The following CABLES1 variants were observed in gnomAD, a reference collection of about 807,000 sequenced individuals.
CABLES1 encodes the protein CDK5 and ABL1 enzyme substrate 1.
In CABLES1, 36 loss-of-function variants were observed where a neutral mutation model predicts 57.8. That is an observed-to-expected ratio of 0.62 (90% CI 0.48 to 0.82). CABLES1 has a LOEUF of 0.82. Among genes scored for constraint, CABLES1 ranks in the 40% least tolerant of loss-of-function variants. The probability of loss-of-function intolerance (pLI) is 0.00; values close to 1 mark genes in which losing one functional copy is unlikely to be tolerated. For missense variants in CABLES1, 767 were observed against 836.6 expected, an observed-to-expected ratio of 0.92 and a Z score of 1.03; for synonymous variants, 374 against 363.0, an observed-to-expected ratio of 1.03 and a Z score of -0.35.
intron 4 of CABLES1, among the ~76,000 whole-genome samples, chr18:23,224,561 CTTTTTT>C (rs777471596): frequency 2.2e-5 from 2 of 89,658 alleles, no homozygotes; most frequent in Admixed American, 1.5e-4. Flanking sequence ...AGTCACAGAG[CTTTTTT>C]TTTTTTTTTT....
At chr18:23,134,629 C>A (rs2046803967), upstream of CABLES1, 1 of 152,164 alleles carries the variant, frequency 6.6e-6, no homozygotes, top group South Asian at 2.1e-4. Context: ...GAGAAGAGAT[C>A]ATAATCTACA....
At chr18:23,194,634 G>T in intron 3 of CABLES1, 94 bp downstream of exon 3, 1 of 782,904 alleles carries the variant, frequency 1.3e-6, no homozygotes, top group Non-Finnish European at 2.2e-6. Flanking sequence ...CTCAGCAAAC[G>T]CAAGCCCACA....
At chr18:23,248,333 G>A (rs1297788594) in intron 7 of CABLES1, among the ~76,000 whole-genome samples, 12 of 152,198 alleles carry the variant, frequency 7.9e-5, no homozygotes, top group African/African-American at 2.2e-4. Flanking sequence ...AGAATACAGC[G>A]TGTGCAGCAG....
chr18:23,136,670 C>A, intron 1 of CABLES1, 63 bp downstream of exon 1: 2 of 1,114,960 alleles, frequency 1.8e-6, no homozygotes, highest in African/African-American at 1.6e-5. Flanking sequence ...CCAGCCTCCC[C>A]GCGGTCTCTG....
At chr18:23,234,578 A>ATTTTTTTTTTTT in intron 4 of CABLES1, 30 bp from the exon 5 acceptor site, 1 of 1,535,578 alleles carries the variant, frequency 6.5e-7, no homozygotes. Flanking sequence ...ACACAAAAGC[A>ATTTTTTTTTTTT]TTTTTTTTTC....
chr18:23,190,982 A>C (rs188795458), intron 2 of CABLES1, among the ~76,000 whole-genome samples: 1 of 150,384 alleles, frequency 6.6e-6, no homozygotes, highest in South Asian at 2.1e-4. Context: ...GGTGGCTCAC[A>C]CCTGTAACCC....
intron 7 of CABLES1, among the ~76,000 whole-genome samples, chr18:23,238,790 G>A (rs974010806): frequency 1.3e-5 from 2 of 152,208 alleles, no homozygotes; most frequent in African/African-American, 4.8e-5. Flanking sequence ...AGGAAATGGG[G>A]GATCCAGGCT....
chr18:23,219,244 C>G lies in CABLES1; in HGVS notation c.1088+5190C>G, dbSNP rs9958241. ...GGAGCCTACTCTCCGTGCCATCCCTCTGGTCCTCTGTCTGAGTAGGAGACG... is the reference window on the plus strand; with the variant it reads ...GGAGCCTACTCTCCGTGCCATCCCTGTGGTCCTCTGTCTGAGTAGGAGACG... On this transcript the variant is annotated intron_variant, in intron 4 of 9. Transcript: ENST00000256925. 2.1e-3 allele frequency: 976 copies of G among 454,144 alleles called. 9 individuals carry two copies. The highest frequency in any genetic ancestry group is 0.018 in the African/African-American group (892 of 50,134). The allele number at this position is 454,144 out of a possible 1,614,324, so 28.1% of individuals were successfully genotyped here.
chr18:23,194,314 A>G, intron 2 of CABLES1, 134 bp from the exon 3 acceptor site: 1 of 587,314 alleles, frequency 1.7e-6, no homozygotes, highest in South Asian at 2.3e-5. Flanking sequence ...TGTCTTCATT[A>G]TCCTCGCGGA....
Position 23,195,392 on chromosome 18 carries a change from A to G in CABLES1, c.1010+852A>G, listed in dbSNP as rs576270993. 1.5e-4 allele frequency among the ~76,000 whole-genome samples: 23 copies of G among 152,312 alleles called. 1 individual carries two copies. The South Asian group carries it at 3.3e-3, about 22-fold the overall frequency. On this transcript the variant is annotated intron_variant, in intron 3 of 9. Transcript: ENST00000256925. ...CTTGTTTGATCTCCTAATTTATAGA[A>G]GACCATATGGGCCCCACTAATACTC... is the stretch of plus-strand genomic sequence containing the variant.
chr18:23,158,509 C>T (rs529398210), intron 1 of CABLES1, among the ~76,000 whole-genome samples: 4 of 152,224 alleles, frequency 2.6e-5, no homozygotes, highest in African/African-American at 9.6e-5. Flanking sequence ...ATATATAGTA[C>T]GGTTGTCATT....
chr18:23,174,238 G>A (rs1178786499), intron 1 of CABLES1, among the ~76,000 whole-genome samples: 1 of 152,110 alleles, frequency 6.6e-6, no homozygotes, highest in Admixed American at 6.5e-5. Context: ...GGCTCCTTTG[G>A]CTTAACATAA....
chr18:23,173,457 T>C (rs2144993339), intron 1 of CABLES1, among the ~76,000 whole-genome samples: 1 of 152,352 alleles, frequency 6.6e-6, no homozygotes, highest in Non-Finnish European at 1.5e-5. Flanking sequence ...ATCCATAGTT[T>C]TCAAATTGTA....
chr18:23,210,648 C>G (rs1485763344), intron 3 of CABLES1, among the ~76,000 whole-genome samples: 1 of 152,144 alleles, frequency 6.6e-6, no homozygotes, highest in Non-Finnish European at 1.5e-5. Context: ...TCAAGGTTTC[C>G]CAGTGTAAGA....
intron 1 of CABLES1, among the ~76,000 whole-genome samples, chr18:23,178,300 G>A (rs1477103391): frequency 2.0e-5 from 3 of 152,066 alleles, no homozygotes; most frequent in Non-Finnish European, 2.9e-5. Context: ...CAGCAGCAGG[G>A]CAGGGCCCCT....
chr18:23,184,250 T>G (rs937978816), intron 1 of CABLES1, among the ~76,000 whole-genome samples: 5 of 152,046 alleles, frequency 3.3e-5, no homozygotes, highest in African/African-American at 9.7e-5. Context: ...TTTTCCCCTT[T>G]AAGGAGTCCT....
chr18:23,161,835 T>C (rs1363626264), intron 1 of CABLES1, among the ~76,000 whole-genome samples: 1 of 146,846 alleles, frequency 6.8e-6, no homozygotes, highest in Non-Finnish European at 1.5e-5. Context: ...GGCAAGAGAA[T>C]GGGGTGAACC....
intron 1 of CABLES1, among the ~76,000 whole-genome samples, chr18:23,172,049 T>C (rs2047086427): frequency 6.6e-6 from 1 of 152,226 alleles, no homozygotes; most frequent in Non-Finnish European, 1.5e-5. Context: ...GCCTCCTGAG[T>C]TGCTGGGACT....
intron 2 of CABLES1, among the ~76,000 whole-genome samples, chr18:23,194,165 AG>A (rs1458889636): frequency 2.6e-5 from 4 of 152,118 alleles, no homozygotes; most frequent in African/African-American, 9.7e-5. Flanking sequence ...GAATCTGCAT[AG>A]GTTTTTGTTT....
Sources: allele counts gnomAD v4.1 joint callset (sites outside exome capture counted in the v4.1 genomes callset), GRCh38; gene constraint gnomAD v4.1.1; transcripts MANE v1.5; gene names NCBI Gene and HGNC (gene_info 2026-07-23, HGNC 2026-07-21).